Variants in RIOK1 observed in about 807,000 individuals in gnomAD.
RIOK1 encodes the protein RIO kinase 1.
Under a neutral mutation model 73.5 loss-of-function variants are expected in RIOK1, and 66 were observed. The observed-to-expected ratio is 0.90, with a 90% CI of 0.74 to 1.10. The LOEUF (loss-of-function observed/expected upper bound fraction) is 1.10, where lower values mean the gene tolerates loss of function less well. RIOK1 is among the 50% of genes least tolerant of loss of function. The pLI, the probability that RIOK1 is intolerant of heterozygous loss-of-function variation, is 0.00. For synonymous variants in RIOK1, 224 were observed against 226.8 expected, an observed-to-expected ratio of 0.99 and a Z score of 0.11; for missense variants, 658 against 699.8, an observed-to-expected ratio of 0.94 and a Z score of 0.67.
intron 10 of RIOK1, 88 bp downstream of exon 10, chr6:7,404,643 A>C (rs111560975): frequency 6.8e-7 from 1 of 1,466,224 alleles, no homozygotes; most frequent in African/African-American, 1.4e-5. Flanking sequence ...AAGAAGTCAC[A>C]CTAACTTCTG....
rs191574653 is a variant in RIOK1, at chr6:7,391,233, A to C, written c.71+1160A>C. ...TGAATGCTTTCTGTGAGTCAGATCT[A>C]GTCTTAGGTGGTAGGGAGGCATTGG... On this transcript the variant is annotated intron_variant, in intron 1 of 16. Transcript: ENST00000379834. Among the ~76,000 whole-genome samples the C allele has an allele frequency of 3.9e-5, 6 of 152,330 alleles. No homozygotes were observed. The East Asian group carries it at 9.6e-4, about 24-fold the overall frequency.
At chr6:7,410,059 CCTTTAGTAAATGCTAAA>C (rs2113525510) in intron 12 of RIOK1, among the ~76,000 whole-genome samples, 1 of 152,222 alleles carries the variant, frequency 6.6e-6, no homozygotes, top group South Asian at 2.1e-4. Flanking sequence ...TCTCTGTATT[CCTTTAGTAAATGCTAAA>C]GCATTTACTA....
At chr6:7,410,670 T>C (rs1230610603) in intron 13 of RIOK1, among the ~76,000 whole-genome samples, 1 of 152,222 alleles carries the variant, frequency 6.6e-6, no homozygotes, top group African/African-American at 2.4e-5. Flanking sequence ...TGTTAGCCCA[T>C]TGTCCTAGAT....
chr6:7,414,138 C>T (rs567196994), intron 15 of RIOK1, 100 bp from the exon 16 acceptor site: 18 of 1,048,788 alleles, frequency 1.7e-5, no homozygotes, highest in Admixed American at 2.7e-5. Flanking sequence ...CATATATTTG[C>T]GAGCCTAAAA....
At chr6:7,400,850 G>GTACACTAC in intron 5 of RIOK1, 108 bp from the exon 6 acceptor site, 1 of 643,882 alleles carries the variant, frequency 1.6e-6, no homozygotes, top group South Asian at 1.9e-5. Context: ...AGTCAACCAG[G>GTACACTAC]ATAGCGTCGT....
intron 9 of RIOK1, 137 bp from the exon 10 acceptor site, chr6:7,404,281 T>C: frequency 9.7e-7 from 1 of 1,026,358 alleles, no homozygotes; most frequent in Non-Finnish European, 1.4e-6. Flanking sequence ...GGTACCTTCT[T>C]GGTTTATGTG....
chr6:7,416,047 T>C (rs1178594093), intron 16 of RIOK1, among the ~76,000 whole-genome samples: 1 of 152,202 alleles, frequency 6.6e-6, no homozygotes, highest in East Asian at 1.9e-4. Context: ...CCCCCATGGA[T>C]AAGAAGGGAC....
chr6:7,403,228 GATTTT>G (rs1253136083), intron 8 of RIOK1, among the ~76,000 whole-genome samples: 1 of 152,190 alleles, frequency 6.6e-6, no homozygotes, highest in Non-Finnish European at 1.5e-5. Flanking sequence ...ACTGCTAAAG[GATTTT>G]AATCAGGAAA....
At chr6:7,392,538 AT>A (rs535289404) in intron 1 of RIOK1, among the ~76,000 whole-genome samples, 1 of 149,642 alleles carries the variant, frequency 6.7e-6, no homozygotes. Context: ...TTTAATTACA[AT>A]TTTTTTTAGA....
At chr6:7,403,080 A>C (rs1276059012) in intron 8 of RIOK1, among the ~76,000 whole-genome samples, 183 bp downstream of exon 8, 1 of 152,250 alleles carries the variant, frequency 6.6e-6, no homozygotes, top group African/African-American at 2.4e-5. Flanking sequence ...ATTGTTTCCT[A>C]TTCTGTTGTT....
At position 7,416,822 on chromosome 6, in the gene RIOK1, A is replaced by G. The variant is rs576279961; in HGVS notation, c.1597-509A>G. ...GTGACAGAGTGAGTCCCTGTCTCTA[A>G]AAAGAAAAAACTGAAAGACAGTTTT... On this transcript the variant is annotated intron_variant, in intron 16 of 16. Coordinates refer to ENST00000379834, the MANE Select transcript of RIOK1 (RefSeq NM_031480.3). 4.6e-5 allele frequency among the ~76,000 whole-genome samples: 7 copies of G among 151,960 alleles called. No homozygotes were observed. The South Asian group carries it at 1.5e-3, about 32-fold the overall frequency.
intron 8 of RIOK1, among the ~76,000 whole-genome samples, chr6:7,403,514 A>T (rs1761664431): frequency 6.6e-6 from 1 of 152,232 alleles, no homozygotes; most frequent in East Asian, 1.9e-4. Context: ...CACATTGGAT[A>T]GTGTAGTATT....
chr6:7,399,025 C>T (rs545714453), intron 5 of RIOK1, among the ~76,000 whole-genome samples: 5 of 152,170 alleles, frequency 3.3e-5, no homozygotes, highest in Admixed American at 2.6e-4. Context: ...AGAAAAGGTC[C>T]GTAGGAATTT....
chr6:7,405,034 G>A lies in RIOK1; in HGVS notation c.1096+13G>A, dbSNP rs111471056. ...GCCAACGTCAATGGTGAGTAGAAAC[G>A]GCAATTTTCGAAACAGCTCATTGGT... On this transcript the variant is annotated intron_variant, in intron 11 of 16. Transcript: ENST00000379834. 1.8e-4 allele frequency: 289 copies of A among 1,603,278 alleles called. 2 individuals carry two copies. The African/African-American group carries it at 3.3e-3, about 19-fold the overall frequency.
chr6:7,395,645 G>T (rs1251393009), intron 3 of RIOK1, among the ~76,000 whole-genome samples: 2 of 151,418 alleles, frequency 1.3e-5, no homozygotes, highest in African/African-American at 4.8e-5. Flanking sequence ...TATTTTGGTT[G>T]TTTTCCCACT....
chr6:7,390,397 G>A (rs1462276443), intron 1 of RIOK1, among the ~76,000 whole-genome samples: 2 of 152,170 alleles, frequency 1.3e-5, no homozygotes, highest in Non-Finnish European at 2.9e-5. Context: ...TACTTACTAA[G>A]CACTTAATAT....
intron 11 of RIOK1, 22 bp downstream of exon 11, chr6:7,405,043 C>T (rs374279773): frequency 8.2e-5 from 129 of 1,576,612 alleles, no homozygotes; most frequent in Non-Finnish European, 7.4e-5. Flanking sequence ...CGGCAATTTT[C>T]GAAACAGCTC....
chr6:7,403,119 A>G (rs1761654597), intron 8 of RIOK1, among the ~76,000 whole-genome samples: 2 of 152,254 alleles, frequency 1.3e-5, no homozygotes, highest in African/African-American at 4.8e-5. Context: ...TTTCAAAAGA[A>G]TACTGCCACA....
At chr6:7,395,025 T>C (rs1265990003) in intron 2 of RIOK1, 28 bp from the exon 3 acceptor site, 2 of 1,612,334 alleles carry the variant, frequency 1.2e-6, no homozygotes, top group South Asian at 2.2e-5. Context: ...TTACAGCTAG[T>C]GCCTTAGACT....
Sources: gnomAD v4.1 joint callset for allele counts (sites outside exome capture counted in the v4.1 genomes callset) on GRCh38, gnomAD v4.1.1 for gene constraint, MANE v1.5 for transcripts, NCBI Gene and HGNC (gene_info 2026-07-23, HGNC 2026-07-21) for gene names.